The following CPLANE1 variants were observed in gnomAD, a reference collection of about 807,000 sequenced individuals.
CPLANE1 encodes the protein ciliogenesis and planar polarity effector complex subunit 1.
In CPLANE1, 263 loss-of-function variants were observed where a neutral mutation model predicts 362.5. The ratio of observed to expected loss-of-function variants is 0.73; its 90% CI spans 0.66 to 0.80. The LOEUF is 0.80. CPLANE1 is among the 30% of genes least tolerant of loss of function. CPLANE1 has a pLI of 0.00. For synonymous variants in CPLANE1, 1,212 were observed against 1,302.6 expected (o/e 0.93, Z 1.50); for missense variants, 3,461 against 3,793.4 (o/e 0.91, Z 2.30).
rs746467519 is a variant in CPLANE1, at chr5:37,201,757, A to T, written c.3341T>A (p.Val1114Glu). Residue 1114 changes from valine to glutamate, a missense_variant, in exon 19 of 53, where the codon GTA becomes GAA. Val to Glu is a moderately radical substitution (Grantham distance 121). This residue lies in a region of CPLANE1 where 3,380 missense variants were observed against 3,666.1 expected (regional missense o/e 0.92). Transcript: ENST00000651892. ...ANLLFGSVQE[V>E]LKASVMADAD... ...ATCGGCCATAACTGATGCTTTCAGT[A>T]CTTCTTGTACTGAACCAAATAGCAG... 6.2e-6 allele frequency: 10 copies of T among 1,614,082 alleles called. No individual in the cohort carries two copies. Among genetic ancestry groups the T allele is most frequent in the Non-Finnish European group, 8.5e-6 (10 of 1,179,964 alleles).
At chr5:37,235,624 G>A (rs1464968768) in intron 8 of CPLANE1, among the ~76,000 whole-genome samples, 1 of 140,322 alleles carries the variant, frequency 7.1e-6, no homozygotes, top group Non-Finnish European at 1.5e-5. Flanking sequence ...CCAGGCTGGA[G>A]AGCAGTGGTA....
chr5:37,170,483 A>AAT, intron 32 of CPLANE1, 152 bp from the exon 33 acceptor site: 1 of 629,990 alleles, frequency 1.6e-6, no homozygotes, highest in South Asian at 2.6e-5. Context: ...AGTCAGGGAA[A>AAT]TTTTTTTTTT....
In CPLANE1 at chr5:37,205,414, G is replaced by C. The variant is rs1790423546; in HGVS notation, c.3190C>G (p.Pro1064Ala). The change falls in exon 18 of 53, where the codon CCA becomes GCA. Residue 1064 changes from proline (P) to alanine (A), a missense_variant. Coordinates refer to ENST00000651892, the MANE Select transcript of CPLANE1 (RefSeq NM_001384732.1). ...KSLNLPLRMT[P>A]AQIFQEKLQC... is the part of the protein sequence containing the mutation. Reference sequence around the variant, plus strand: ...AGTTTTTCCTGAAAAATCTGTGCTGGAGTCATACGGAGTGGTAGATTCAGA... The same window carrying C: ...AGTTTTTCCTGAAAAATCTGTGCTGCAGTCATACGGAGTGGTAGATTCAGA... 6.5e-7 allele frequency: 1 copy of C among 1,548,594 alleles called. No homozygotes were observed. Among genetic ancestry groups the C allele is most frequent in the Non-Finnish European group, 8.7e-7 (1 of 1,145,438 alleles).
Position 37,154,009 on chromosome 5 carries a change from A to G in CPLANE1, c.8120-16T>C, listed in dbSNP as rs1432568995. The G allele has an allele frequency of 6.3e-7, 1 of 1,580,494 alleles. No individual in the cohort carries two copies. Among genetic ancestry groups the G allele is most frequent in the South Asian group, 1.2e-5 (1 of 86,662 alleles). ...TTTGGCAGACCTAAATATTAATAAG[A>G]ATAAAAGCAGAATTGATTATAATTA... On this transcript the variant is annotated splice_polypyrimidine_tract_variant and intron_variant, in intron 41 of 52. Transcript: ENST00000651892.
intron 29 of CPLANE1, 76 bp downstream of exon 29, chr5:37,179,285 T>C: frequency 2.1e-6 from 2 of 946,912 alleles, no homozygotes; most frequent in South Asian, 1.5e-5. Context: ...TTAATAACAA[T>C]GAATAAAAAC....
Position 37,243,103 on chromosome 5 carries a change from C to A in CPLANE1, c.587G>T (p.Cys196Phe). 1 of 1,536,350 alleles carries A rather than the reference C, an allele frequency of 6.5e-7. No homozygotes were observed. Among genetic ancestry groups the A allele is most frequent in the Non-Finnish European group, 8.8e-7 (1 of 1,140,070 alleles). The change falls in exon 6 of 53, where the codon TGC becomes TTC. Residue 196 changes from cysteine to phenylalanine, a missense_variant. Coordinates refer to ENST00000651892, the MANE Select transcript of CPLANE1 (RefSeq NM_001384732.1). ...FIKNELFGDC[C>F]LCSFTFYSGE... ...AGAATAAAAAGTAAATGAACACAGG[C>A]AGCAGTCTCCAAATAACTGTAGATA...
chr5:37,111,287 ATT>A (rs1253221080), intron 51 of CPLANE1, among the ~76,000 whole-genome samples: 1 of 139,136 alleles, frequency 7.2e-6, no homozygotes. Flanking sequence ...TGCCTAGCTA[ATT>A]TTTTTTTTGT....
At chr5:37,130,115 G>A (rs1765346954) in intron 46 of CPLANE1, among the ~76,000 whole-genome samples, 1 of 152,162 alleles carries the variant, frequency 6.6e-6, no homozygotes, top group South Asian at 2.1e-4. Context: ...TGGAATTGGA[G>A]ACCATTATCC....
chr5:37,154,101 T>C (rs1774338846), intron 41 of CPLANE1, 108 bp from the exon 42 acceptor site: 1 of 922,166 alleles, frequency 1.1e-6, no homozygotes, highest in East Asian at 2.7e-5. Context: ...AACACTACTT[T>C]CCAAATCAGT....
intron 16 of CPLANE1, among the ~76,000 whole-genome samples, chr5:37,208,035 G>T (rs1791315920): frequency 6.6e-6 from 1 of 152,086 alleles, no homozygotes; most frequent in African/African-American, 2.4e-5. Flanking sequence ...TGCAACCTCT[G>T]TCATCTGGGC....
At chr5:37,115,422 A>C (rs986430271) in intron 50 of CPLANE1, among the ~76,000 whole-genome samples, 3 of 152,124 alleles carry the variant, frequency 2.0e-5, no homozygotes, top group African/African-American at 7.2e-5. Context: ...TTAGTTTCTT[A>C]AACTCAAAGA....
chr5:37,187,364 T>C (rs1784363255), intron 23 of CPLANE1, 50 bp downstream of exon 23: 1 of 1,426,186 alleles, frequency 7.0e-7, no homozygotes, highest in African/African-American at 1.4e-5. Context: ...TAAAAATCTT[T>C]TAAAGTCTCT....
chr5:37,196,126 T>TACA (rs1787346802), intron 20 of CPLANE1, 130 bp from the exon 21 acceptor site: 14 of 578,470 alleles, frequency 2.4e-5, no homozygotes, highest in African/African-American at 3.9e-5. Flanking sequence ...AAATCAGCTA[T>TACA]ATTTTCAGAA....
At chr5:37,211,491 G>C (rs1318030204) in intron 16 of CPLANE1, 85 of 1,377,326 alleles carry the variant, frequency 6.2e-5, no homozygotes, top group Non-Finnish European at 7.9e-5. Flanking sequence ...ACTTAAAGAA[G>C]AAAGGAATGA....
In CPLANE1 at chr5:37,107,246, T is replaced by G. The variant is rs1406251471; in HGVS notation, c.*356A>C. 8.9e-6 allele frequency: 9 copies of G among 1,016,572 alleles called. No individual in the cohort carries two copies. The African/African-American group carries it at 1.5e-4, about 17-fold the overall frequency. 63.0% of individuals were successfully genotyped at this position (1,016,572 alleles called of 1,614,324 possible). On this transcript the variant is annotated 3_prime_UTR_variant, in exon 53 of 53. Coordinates refer to ENST00000651892, the MANE Select transcript of CPLANE1 (RefSeq NM_001384732.1). ...CCTATTAGATTCATCTGTATATGGT[T>G]GTTTCTCAAAACTCAGAGGGTAATA...
Position 37,226,939 on chromosome 5 carries a change from C to T in CPLANE1, c.1656G>A (p.Thr552=), listed in dbSNP as rs1281052151. The T allele has an allele frequency of 4.5e-6, 7 of 1,551,740 alleles. No homozygotes were observed. The East Asian group carries it at 1.2e-4, about 27-fold the overall frequency. ...GRLEFASMFD[T]IHAKDDSEET... Reference sequence around the variant, plus strand: ...CCTCACTATCATCCTTTGCATGTATCGTATCAAACATAGATGCAAATTCCA... The same window carrying T: ...CCTCACTATCATCCTTTGCATGTATTGTATCAAACATAGATGCAAATTCCA... Residue 552 remains threonine, a synonymous_variant, in exon 12 of 53, where the codon ACG becomes ACA. Transcript: ENST00000651892.
chr5:37,139,576 C>T (rs1769018119), intron 44 of CPLANE1: 3 of 1,010,090 alleles, frequency 3.0e-6, no homozygotes, highest in South Asian at 3.4e-5. Context: ...TTTTTGAGAC[C>T]ATGTCTCACT....
intron 2 of CPLANE1, among the ~76,000 whole-genome samples, chr5:37,247,165 T>C (rs1359087640): frequency 1.3e-5 from 2 of 152,232 alleles, no homozygotes; most frequent in Non-Finnish European, 2.9e-5. Context: ...ATATTATGAA[T>C]GGCATTCCTG....
rs533044678 is a variant in CPLANE1 at position 37,205,288 on chromosome 5, G to A, written c.3289+27C>T. 14 of 1,504,820 alleles carry A rather than the reference G, an allele frequency of 9.3e-6. No homozygotes were observed. In the African/African-American group the frequency reaches 1.5e-4, roughly 17 times the overall value. The allele number at this position is 1,504,820 out of a possible 1,614,324, so 93.2% of individuals were successfully genotyped here. A position where few individuals can be genotyped will look rare whatever the true frequency, so the allele number is the denominator to read the frequency against. ...TATAAGGTTTATATTAATCTGACACGAATCAGACTATACATACATAACACA... is the reference window on the plus strand; with the variant it reads ...TATAAGGTTTATATTAATCTGACACAAATCAGACTATACATACATAACACA... On this transcript the variant is annotated intron_variant, in intron 18 of 52. Transcript: ENST00000651892.
Sources: gnomAD v4.1 joint callset for allele counts (sites outside exome capture counted in the v4.1 genomes callset) on GRCh38, gnomAD v4.1.1 for gene constraint, gnomAD v4.1.1 regional missense constraint, MANE v1.5 for transcripts, NCBI Gene and HGNC (gene_info 2026-07-23, HGNC 2026-07-21) for gene names.